SYNJ1: variants seen among roughly 807,000 people sequenced by gnomAD.
The protein encoded by SYNJ1 is synaptojanin 1.
Under a neutral mutation model 168.2 loss-of-function variants are expected in SYNJ1, and 78 were observed. The ratio of observed to expected loss-of-function variants is 0.46; its 90% CI spans 0.39 to 0.56. SYNJ1 has a LOEUF of 0.56. Ranked by LOEUF, SYNJ1 falls within the 20% of genes least tolerant of loss-of-function variation. The pLI is 0.00. For missense variants in SYNJ1, 1,303 were observed against 1,597.6 expected, an observed-to-expected ratio of 0.82 and a Z score of 3.14; for synonymous variants, 539 against 548.6, an observed-to-expected ratio of 0.98 and a Z score of 0.24.
chr21:32,635,336 C>T (rs566529078), intron 31 of SYNJ1, among the ~76,000 whole-genome samples: 18 of 152,208 alleles, frequency 1.2e-4, no homozygotes, highest in African/African-American at 4.3e-4. Context: ...GAATCAGTGT[C>T]CTTATGAGAA....
chr21:32,655,286 T>A (rs1321686212), intron 21 of SYNJ1, among the ~76,000 whole-genome samples: 2 of 152,226 alleles, frequency 1.3e-5, no homozygotes. Context: ...ACAGTCTACA[T>A]GATGCTTCTG....
At chr21:32,697,670 G>A (rs550775156) in intron 4 of SYNJ1, among the ~76,000 whole-genome samples, 4 of 152,254 alleles carry the variant, frequency 2.6e-5, no homozygotes, top group South Asian at 4.1e-4. Flanking sequence ...GCGTGGTGGC[G>A]CACGCCTGTG....
intron 18 of SYNJ1, among the ~76,000 whole-genome samples, chr21:32,663,581 A>G (rs1254193642): frequency 6.6e-6 from 1 of 152,206 alleles, no homozygotes. Flanking sequence ...AAGACAGGCA[A>G]ACTCCTGGGT....
chr21:32,685,606 TA>T, intron 9 of SYNJ1, 141 bp downstream of exon 9: 1 of 508,454 alleles, frequency 2.0e-6, no homozygotes, highest in Non-Finnish European at 2.7e-6. Context: ...TTCAAAATAA[TA>T]AAAATAAAAA....
intron 23 of SYNJ1, among the ~76,000 whole-genome samples, chr21:32,649,442 G>T (rs2040192590): frequency 3.3e-5 from 5 of 152,150 alleles, no homozygotes; most frequent in Admixed American, 3.3e-4. Context: ...GAAAACAAAT[G>T]CATTTAAAAA....
rs1215119963 is a variant in SYNJ1, at chr21:32,727,940, G to T, written c.-23+6C>A. The stretch of plus-strand genomic sequence containing the variant: ...GCAGCTCCCCGCCCCCCGCCGGCTT[G>T]CTCACCTCTTCCTCCGGCTCCTCCT... On this transcript the variant is annotated splice_donor_region_variant and intron_variant, in intron 1 of 32. Coordinates refer to ENST00000674351, the MANE Select transcript of SYNJ1 (RefSeq NM_203446.3). 4.6e-6 allele frequency: 7 copies of T among 1,532,608 alleles called. No individual in the cohort carries two copies. The highest frequency in any genetic ancestry group is 6.1e-6 in the Non-Finnish European group (7 of 1,145,718). 94.9% of individuals were successfully genotyped at this position (1,532,608 alleles called of 1,614,324 possible). A position where few individuals can be genotyped will look rare whatever the true frequency, so the allele number is the denominator to read the frequency against.
chr21:32,662,180 C>A (rs887829111), intron 18 of SYNJ1, among the ~76,000 whole-genome samples: 5 of 152,164 alleles, frequency 3.3e-5, no homozygotes, highest in Admixed American at 2.6e-4. Context: ...GGATGACAAG[C>A]CCTGCTCCAG....
At chr21:32,687,169 A>C in intron 7 of SYNJ1, 95 bp from the exon 8 acceptor site, 1 of 625,690 alleles carries the variant, frequency 1.6e-6, no homozygotes, top group East Asian at 3.5e-5. Context: ...CTTACATGGC[A>C]GTATTTTAAA....
intron 5 of SYNJ1, 34 bp downstream of exon 5, chr21:32,695,019 TAATA>T (rs749480173): frequency 6.5e-7 from 1 of 1,545,478 alleles, no homozygotes; most frequent in African/African-American, 1.4e-5. Context: ...GCTTCTCCTA[TAATA>T]AATTAATTAA....
In SYNJ1 at chr21:32,681,591, G is replaced by A; in HGVS notation, c.1258C>T (p.Arg420Cys). The A allele has an allele frequency of 6.2e-7, 1 of 1,613,824 alleles. No homozygotes were observed. Among genetic ancestry groups the A allele is most frequent in the Non-Finnish European group, 8.5e-7 (1 of 1,179,834 alleles). ...ATTGACCGAAAAACTTCTTGAAAGC[G>A]AGTCACCAACTGAGGCTTTTCAGCT... ...GLAEKPQLVT[R>C]FQEVFRSMWS... The change falls in exon 11 of 33, where the codon CGC becomes TGC. Residue 420 changes from arginine to cysteine, a missense_variant. Arg to Cys is a radical substitution (Grantham distance 180, BLOSUM62 -3). Transcript: ENST00000674351.
rs1281704949 is a variant in SYNJ1 at position 32,694,311 on chromosome 21, C to T, written c.706G>A (p.Val236Ile). The T allele has an allele frequency of 1.9e-6, 3 of 1,546,946 alleles. No individual in the cohort carries two copies. The highest frequency in any genetic ancestry group is 1.4e-5 in the African/African-American group (1 of 70,554). Reference protein sequence around the residue: ...HVANFVETEQVVYLDDSVSSF... With the variant: ...HVANFVETEQIVYLDDSVSSF... Reference sequence around the variant, plus strand: ...GAAACTGAGTCATCTAAGTACACAACCTACAGAAAAAAAAATAATATGTAA... The same window carrying T: ...GAAACTGAGTCATCTAAGTACACAATCTACAGAAAAAAAAATAATATGTAA... The change falls in exon 6 of 33, where the codon GTT becomes ATT. Residue 236 changes from valine (V) to isoleucine (I), a missense_variant and splice_region_variant. By Grantham distance (29) the Val-to-Ile change is conservative. Around this residue, in one of 2 missense-constraint regions of SYNJ1, gnomAD observed 920 missense variants for 1,208.8 expected, o/e 0.76. Transcript: ENST00000674351.
chr21:32,705,042 G>A (rs191396213), intron 2 of SYNJ1, among the ~76,000 whole-genome samples: 3 of 151,844 alleles, frequency 2.0e-5, no homozygotes, highest in East Asian at 1.9e-4. Flanking sequence ...CCAGCTACTC[G>A]GGAAGTTGAG....
At chr21:32,692,575 C>CA (rs899104506) in intron 6 of SYNJ1, among the ~76,000 whole-genome samples, 45 of 147,016 alleles carry the variant, frequency 3.1e-4, no homozygotes, top group Admixed American at 6.8e-4. Flanking sequence ...CATTCCGTGC[C>CA]AAAAAAAAAA....
At chr21:32,709,663 G>A (rs936519345) in intron 2 of SYNJ1, among the ~76,000 whole-genome samples, 2 of 151,306 alleles carry the variant, frequency 1.3e-5, no homozygotes, top group Non-Finnish European at 2.9e-5. Context: ...GATTACAGGT[G>A]CCCACCAACA....
rs532145239 is a variant in SYNJ1 at position 32,695,426 on chromosome 21, C to T, written c.480-144G>A. The T allele has an allele frequency of 2.6e-3, 2,063 of 793,908 alleles. 7 individuals are homozygous for T. Among genetic ancestry groups the T allele is most frequent in the Middle Eastern group, 3.5e-3 (9 of 2,596 alleles). 49.2% of individuals were successfully genotyped at this position (793,908 alleles called of 1,614,324 possible). A position where few individuals can be genotyped will look rare whatever the true frequency, so the allele number is the denominator to read the frequency against. On this transcript the variant is annotated intron_variant, in intron 4 of 32. Transcript: ENST00000674351. Reference sequence around the variant, plus strand: ...AATCAATTCATTTACATTTACTATGCTAGGGATCAGAAGATAGGGCTATAA... The same window carrying T: ...AATCAATTCATTTACATTTACTATGTTAGGGATCAGAAGATAGGGCTATAA...
At chr21:32,653,057 T>C (rs1314504651) in intron 22 of SYNJ1, among the ~76,000 whole-genome samples, 8 of 152,358 alleles carry the variant, frequency 5.3e-5, no homozygotes, top group East Asian at 1.9e-4. Flanking sequence ...GTGCTAAACA[T>C]GTTTCCTTCT....
At chr21:32,727,879 C>A (rs2043543942) in intron 1 of SYNJ1, 67 bp downstream of exon 1, 29 of 1,525,014 alleles carry the variant, frequency 1.9e-5, no homozygotes, top group Non-Finnish European at 2.5e-5. Context: ...GTCTTGGAGG[C>A]GTCCGCCCGC....
At position 32,665,975 on chromosome 21, in the gene SYNJ1, T is replaced by A. The variant is rs761614356; in HGVS notation, c.2113A>T (p.Ile705Leu). Residue 705 changes from isoleucine (I) to leucine (L), a missense_variant, in exon 17 of 33, where the codon ATA (isoleucine) becomes TTA (leucine). By Grantham distance (5) the Ile-to-Leu change is conservative. Coordinates refer to ENST00000674351, the MANE Select transcript of SYNJ1 (RefSeq NM_203446.3). ...AAACTCAATTTTCGTGCTATTTCTA[T>A]AAAATCTTCATTTCTTTCTTTGACT... ...SQVKERNEDF[I>L]EIARKLSFPM... 2 of 1,612,274 alleles carry A rather than the reference T, an allele frequency of 1.2e-6. No homozygotes were observed. Among genetic ancestry groups the A allele is most frequent in the Non-Finnish European group, 8.5e-7 (1 of 1,179,356 alleles).
chr21:32,688,420 AG>A, intron 6 of SYNJ1, 53 bp from the exon 7 acceptor site: 2 of 1,473,928 alleles, frequency 1.4e-6, no homozygotes, highest in Non-Finnish European at 1.9e-6. Context: ...TATAGACGAA[AG>A]AAATATCACT....
Sources: gnomAD v4.1 joint callset for allele counts (sites outside exome capture counted in the v4.1 genomes callset) on GRCh38, gnomAD v4.1.1 for gene constraint, gnomAD v4.1.1 regional missense constraint, MANE v1.5 for transcripts, NCBI Gene and HGNC (gene_info 2026-07-23, HGNC 2026-07-21) for gene names.